The following CTPS2 variants were observed in gnomAD, a reference collection of about 807,000 sequenced individuals.
The protein encoded by CTPS2 is CTP synthase 2.
A neutral mutation model predicts 46.8 loss-of-function variants in CTPS2; 19 were observed. The ratio of observed to expected loss-of-function variants is 0.41; its 90% CI spans 0.28 to 0.60. The LOEUF (loss-of-function observed/expected upper bound fraction) is 0.60, where lower values mean the gene tolerates loss of function less well. Ranked by LOEUF, CTPS2 falls within the 20% of genes least tolerant of loss-of-function variation. The pLI is 0.35. For synonymous variants in CTPS2, 151 were observed against 165.2 expected (o/e 0.91, Z 0.66); for missense variants, 286 against 447.6 (o/e 0.64, Z 3.26).
intron 15 of CTPS2, among the ~76,000 whole-genome samples, chrX:16,618,978 T>C (rs1421743364): frequency 9.0e-6 from 1 of 111,486 alleles, no homozygotes; most frequent in African/African-American, 3.3e-5. Context: ...AAAATAGGTG[T>C]GAATGAATGA....
chrX:16,703,008 T>G, intron 1 of CTPS2, 67 bp from the exon 2 acceptor site: 1 of 672,376 alleles, frequency 1.5e-6, no homozygotes, highest in Non-Finnish European at 2.2e-6. Context: ...AGACAGTGTA[T>G]TCAACCAGAA....
At chrX:16,692,263 C>A (rs1399817871) in intron 6 of CTPS2, among the ~76,000 whole-genome samples, 2 of 109,108 alleles carry the variant, frequency 1.8e-5, no homozygotes, top group Admixed American at 1.0e-4. Flanking sequence ...AGTAACATAG[C>A]AAAACCCTGT....
At position 16,617,261 on chromosome X, in the gene CTPS2, A is replaced by T; in HGVS notation, c.1450-15T>A. ...TTAGGGTTTACCTGCAAAACAAGAA[A>T]TTAAGTGTTTATGGGCCACAGTGCA... is the stretch of plus-strand genomic sequence containing the variant. On this transcript the variant is annotated splice_polypyrimidine_tract_variant and intron_variant, in intron 15 of 18. Transcript: ENST00000359276. 1 of 1,168,209 alleles carries T rather than the reference A, an allele frequency of 8.6e-7. No individual in the cohort carries two copies. Among genetic ancestry groups the T allele is most frequent in the Non-Finnish European group, 1.2e-6 (1 of 859,330 alleles).
rs750236776 is a variant in CTPS2 at position 16,670,705 on chromosome X, G to C, written c.1095-31C>G. ...ATCAATACAAAATGAGGGTAAACTT[G>C]ACTATCCATTTTTTTTTTAAACTAG... On this transcript the variant is annotated intron_variant, in intron 10 of 18. Coordinates refer to ENST00000359276, the MANE Select transcript of CTPS2 (RefSeq NM_175859.3). 6.7e-6 allele frequency: 7 copies of C among 1,048,438 alleles called. No homozygotes were observed. In the South Asian group the frequency reaches 1.5e-4, roughly 22 times the overall value. 86.4% of individuals were successfully genotyped at this position (1,048,438 alleles called of 1,213,427 possible).
chrX:16,642,687 T>TA, intron 13 of CTPS2, among the ~76,000 whole-genome samples: 1 of 112,318 alleles, frequency 8.9e-6, no homozygotes, highest in Non-Finnish European at 1.9e-5. Flanking sequence ...TCTTGGGTTA[T>TA]AAGCAACCTG....
intron 13 of CTPS2, among the ~76,000 whole-genome samples, chrX:16,645,326 C>A (rs1932270786): frequency 9.0e-6 from 1 of 110,691 alleles, no homozygotes; most frequent in Non-Finnish European, 1.9e-5. Context: ...GTATTAAAAA[C>A]TAACAGGGGA....
intron 14 of CTPS2, among the ~76,000 whole-genome samples, chrX:16,621,847 C>T (rs960162174): frequency 1.8e-5 from 2 of 111,660 alleles, no homozygotes; most frequent in Non-Finnish European, 3.8e-5. Flanking sequence ...TAACTTTGTA[C>T]GATCAATGAT....
In CTPS2 at chrX:16,709,841, C is replaced by T. The variant is rs769129068; in HGVS notation, c.-40+2494G>A. 2.2e-4 allele frequency among the ~76,000 whole-genome samples: 13 copies of T among 59,562 alleles called. No individual in the cohort carries two copies. In the East Asian group the frequency reaches 8.9e-3, roughly 41 times the overall value. The allele number at this position is 59,562 out of a possible 115,157, so 51.7% of individuals were successfully genotyped here. A position where few individuals can be genotyped will look rare whatever the true frequency, so the allele number is the denominator to read the frequency against. ...TCTACCCTGGTGACAGAGTGAGACT[C>T]TGTCTCCAAAAAAAAAAAAAAAAAA... On this transcript the variant is annotated intron_variant, in intron 1 of 18. Transcript: ENST00000359276.
intron 13 of CTPS2, among the ~76,000 whole-genome samples, chrX:16,659,741 G>A (rs1294146014): frequency 1.8e-5 from 2 of 111,700 alleles, no homozygotes; most frequent in Non-Finnish European, 3.8e-5. Flanking sequence ...CGTAGTTACT[G>A]TTGTGTGTGT....
At chrX:16,676,245 A>G (rs1336166689) in intron 10 of CTPS2, among the ~76,000 whole-genome samples, 1 of 112,137 alleles carries the variant, frequency 8.9e-6, no homozygotes, top group Non-Finnish European at 1.9e-5. Context: ...TGTAAAGCCA[A>G]TACAAGCCCC....
At chrX:16,671,900 T>C (rs1376606042) in intron 10 of CTPS2, among the ~76,000 whole-genome samples, 3 of 110,860 alleles carry the variant, frequency 2.7e-5, no homozygotes, top group Non-Finnish European at 5.7e-5. Flanking sequence ...TGTGCACCAA[T>C]TGGCTGACTT....
At chrX:16,676,565 G>A (rs1480748965) in intron 10 of CTPS2, among the ~76,000 whole-genome samples, 1 of 112,469 alleles carries the variant, frequency 8.9e-6, no homozygotes, top group Non-Finnish European at 1.9e-5. Flanking sequence ...GTATAATAAA[G>A]CAAATTGTTC....
At chrX:16,695,315 C>G (rs776891319) in intron 4 of CTPS2, among the ~76,000 whole-genome samples, 1 of 110,401 alleles carries the variant, frequency 9.1e-6, no homozygotes, top group Non-Finnish European at 1.9e-5. Context: ...CCTGCTAATT[C>G]AGAAGTTCCC....
At chrX:16,703,332 T>A (rs1924729422) in intron 1 of CTPS2, among the ~76,000 whole-genome samples, 1 of 98,720 alleles carries the variant, frequency 1.0e-5, no homozygotes, top group Admixed American at 1.1e-4. Flanking sequence ...TAGCTCAGAA[T>A]TTTTTTTTTT....
intron 8 of CTPS2, among the ~76,000 whole-genome samples, chrX:16,687,609 G>A (rs757957883): frequency 1.8e-3 from 200 of 111,185 alleles, no homozygotes; most frequent in African/African-American, 6.2e-3. Flanking sequence ...TCAGCCCCAA[G>A]CTACTTAGAA....
chrX:16,639,228 C>T lies in CTPS2; in HGVS notation c.1312G>A (p.Glu438Lys), dbSNP rs1931923433. 3.3e-6 allele frequency: 4 copies of T among 1,203,579 alleles called. No homozygotes were observed. Among genetic ancestry groups the T allele is most frequent in the Non-Finnish European group, 4.5e-6 (4 of 888,052 alleles). Reference protein sequence around the residue: ...APVPLVIDMPEHNPGNLGGTM... With the variant: ...APVPLVIDMPKHNPGNLGGTM... ...CCTCCCAAATTGCCAGGGTTGTGCT[C>T]GGGCATATCAATCACCTTAGAAAAC... Residue 438 changes from glutamate to lysine, a missense_variant, in exon 14 of 19, where the codon GAG becomes AAG. Glu to Lys is a moderately conservative substitution (Grantham distance 56). Transcript: ENST00000359276.
intron 13 of CTPS2, chrX:16,651,160 A>G: frequency 1.7e-6 from 1 of 596,819 alleles, no homozygotes; most frequent in Non-Finnish European, 2.5e-6. Flanking sequence ...CCATCCGCAG[A>G]GCCCACTTAA....
At chrX:16,604,764 C>T (rs765285247) in intron 17 of CTPS2, among the ~76,000 whole-genome samples, 1 of 112,467 alleles carries the variant, frequency 8.9e-6, no homozygotes, top group South Asian at 3.7e-4. Flanking sequence ...AAATGTATTT[C>T]TTATAATTAC....
chrX:16,691,044 C>T (rs905707325), intron 7 of CTPS2, among the ~76,000 whole-genome samples: 5 of 112,393 alleles, frequency 4.4e-5, no homozygotes, highest in African/African-American at 9.7e-5. Flanking sequence ...GTACTGGGCA[C>T]GATGGCTCAC....
Sources: allele counts gnomAD v4.1 joint callset (sites outside exome capture counted in the v4.1 genomes callset), GRCh38; gene constraint gnomAD v4.1.1; transcripts MANE v1.5; gene names NCBI Gene and HGNC (gene_info 2026-07-23, HGNC 2026-07-21).